The following IGFL2 variants were observed in gnomAD, a reference collection of about 807,000 sequenced individuals.
IGFL2 encodes the protein insulin growth factor-like family member 2.
In IGFL2, 7 loss-of-function variants were observed where a neutral mutation model predicts 13.9. That is an observed-to-expected ratio of 0.51 (90% CI 0.29 to 0.95). The LOEUF (loss-of-function observed/expected upper bound fraction) is 0.95. Ranked by LOEUF, IGFL2 falls within the 40% of genes least tolerant of loss-of-function variation. The pLI, the probability that IGFL2 is intolerant of heterozygous loss-of-function variation, is 0.08. For synonymous variants in IGFL2, 55 were observed against 55.8 expected (o/e 0.99, Z 0.07); for missense variants, 138 against 147.8 (o/e 0.93, Z 0.34).
In IGFL2 at chr19:46,161,134, C is replaced by T; in HGVS notation, c.*46C>T. 2.0e-6 allele frequency: 3 copies of T among 1,485,510 alleles called. No individual in the cohort carries two copies. The highest frequency in any genetic ancestry group is 2.8e-6 in the Non-Finnish European group (3 of 1,078,478). The allele number at this position is 1,485,510 out of a possible 1,614,324, so 92.0% of individuals were successfully genotyped here. On this transcript the variant is annotated 3_prime_UTR_variant, in exon 4 of 4. Transcript: ENST00000377693. ...AACTTTCACTAAGGCATCTCAGAAA[C>T]ATAGGCTAAGGTAATATGTGTACCA...
chr19:46,215,005 A>G, the IGFL2 span, among the ~76,000 whole-genome samples: 1 of 152,044 alleles, frequency 6.6e-6, no homozygotes, highest in African/African-American at 2.4e-5. Context: ...TGCTGTGATC[A>G]GCACATCCCA....
chr19:46,098,180 T>C, the IGFL2 span, among the ~76,000 whole-genome samples: 5 of 152,218 alleles, frequency 3.3e-5, no homozygotes, highest in African/African-American at 1.2e-4. Flanking sequence ...TGAATTTGGG[T>C]GCTCTTGTAT....
chr19:46,124,116 T>A, the IGFL2 span: 1 of 1,611,132 alleles, frequency 6.2e-7, no homozygotes, highest in Admixed American at 1.7e-5. Flanking sequence ...CACACCTGGG[T>A]GTCGGCTGGC....
chr19:46,166,729 C>T, the IGFL2 span, among the ~76,000 whole-genome samples: 2 of 152,064 alleles, frequency 1.3e-5, no homozygotes, highest in Non-Finnish European at 1.5e-5. Context: ...TTCTCTTTCT[C>T]AGGGACGTTC....
At chr19:46,152,000 G>A (rs1020620859) in intron 1 of IGFL2, among the ~76,000 whole-genome samples, 5 of 152,130 alleles carry the variant, frequency 3.3e-5, no homozygotes, top group African/African-American at 4.8e-5. Flanking sequence ...TCCAATTTGC[G>A]AACATGGATG....
intron 3 of IGFL2, 50 bp downstream of exon 3, chr19:46,160,931 G>A: frequency 1.6e-5 from 26 of 1,601,692 alleles, no homozygotes; most frequent in Non-Finnish European, 2.2e-5. Context: ...AGGTGGAAAT[G>A]AGGAGGGGAG....
At chr19:46,180,127 G>C in the IGFL2 span, among the ~76,000 whole-genome samples, 2 of 151,792 alleles carry the variant, frequency 1.3e-5, no homozygotes, top group African/African-American at 4.8e-5. Context: ...TCTTGATTGA[G>C]AGCCAAGAAA....
Position 46,161,013 on chromosome 19 carries a change from T to C in IGFL2, c.342-57T>C. On this transcript the variant is annotated intron_variant, in intron 3 of 3. Transcript: ENST00000377693. Reference sequence around the variant, plus strand: ...CTAATCTCTAGCAGTTTCTCAAATATTTTCAGTTATCTCCTTGTCTGTTAT... The same window carrying C: ...CTAATCTCTAGCAGTTTCTCAAATACTTTCAGTTATCTCCTTGTCTGTTAT... 2.6e-6 allele frequency: 4 copies of C among 1,560,788 alleles called. No individual in the cohort carries two copies. In the South Asian group the frequency reaches 4.6e-5, roughly 18 times the overall value.
the IGFL2 span, chr19:46,208,347 G>A: frequency 2.0e-5 from 3 of 152,264 alleles, no homozygotes; most frequent in African/African-American, 7.2e-5. Flanking sequence ...TGAGGACTCA[G>A]CAGTGAGCTC....
the IGFL2 span, among the ~76,000 whole-genome samples, chr19:46,171,512 G>T: frequency 6.6e-6 from 1 of 152,182 alleles, no homozygotes; most frequent in African/African-American, 2.4e-5. Flanking sequence ...GCACATTTCA[G>T]AGTATTGTGT....
the IGFL2 span, among the ~76,000 whole-genome samples, chr19:46,188,992 CGA>C: frequency 6.6e-6 from 1 of 151,852 alleles, no homozygotes; most frequent in African/African-American, 2.4e-5. Flanking sequence ...TGTGCGGAGA[CGA>C]GAGATCATAG....
At chr19:46,126,164 A>T in the IGFL2 span, among the ~76,000 whole-genome samples, 1 of 151,382 alleles carries the variant, frequency 6.6e-6, no homozygotes, top group South Asian at 2.1e-4. Context: ...ACATGTTGAG[A>T]CGTAGACTTT....
chr19:46,094,960 T>C, the IGFL2 span, among the ~76,000 whole-genome samples: 1 of 152,228 alleles, frequency 6.6e-6, no homozygotes, highest in Non-Finnish European at 1.5e-5. Flanking sequence ...TCCATGTCTT[T>C]GCTATTGTGA....
the IGFL2 span, chr19:46,113,791 C>T: frequency 6.3e-6 from 1 of 157,736 alleles, no homozygotes; most frequent in Admixed American, 6.5e-5. Flanking sequence ...CCGTTTTAGC[C>T]TTGAGATCAT....
At position 46,160,706 on chromosome 19, in the gene IGFL2, G is replaced by A. The variant is rs754195953; in HGVS notation, c.166G>A (p.Ala56Thr). The A allele has an allele frequency of 6.1e-5, 98 of 1,613,994 alleles. No individual in the cohort carries two copies. The highest frequency in any genetic ancestry group is 5.5e-4 in the South Asian group (50 of 91,074). ...CTTGGAGCAGTGCTGTTACAATGAC[G>A]CCATCGTGTCCCTGAGCGAGACCCG... ...NPLEQCCYND[A>T]IVSLSETRQC... The change falls in exon 3 of 4, where the codon GCC becomes ACC. Residue 56 changes from alanine to threonine, a missense_variant. By Grantham distance (58) the Ala-to-Thr change is moderately conservative. Transcript: ENST00000377693.
rs779669941 is a variant in IGFL2, at chr19:46,160,882, G to A, written c.341+1G>A. The A allele has an allele frequency of 9.9e-6, 16 of 1,613,346 alleles. No homozygotes were observed. The South Asian group carries it at 1.3e-4, about 13-fold the overall frequency. On this transcript the variant is annotated splice_donor_variant, in intron 3 of 3. Transcript: ENST00000377693. LOFTEE classifies it high-confidence loss of function. ...CTCCCATCTCCAGTAAATGTGAAAGGTAGGGACCCCGTCCCTGGCCAGGGG... is the reference window on the plus strand; with the variant it reads ...CTCCCATCTCCAGTAAATGTGAAAGATAGGGACCCCGTCCCTGGCCAGGGG...
At chr19:46,121,316 A>T in the IGFL2 span, among the ~76,000 whole-genome samples, 1 of 147,864 alleles carries the variant, frequency 6.8e-6, no homozygotes, top group Admixed American at 6.8e-5. Context: ...TGAGCCCAGG[A>T]GGTTGAGGCT....
At chr19:46,173,773 T>G in the IGFL2 span, 1 of 152,204 alleles carries the variant, frequency 6.6e-6, no homozygotes, top group African/African-American at 2.4e-5. Context: ...ACATCCAAAC[T>G]GTATCACAGA....
chr19:46,091,360 C>T, the IGFL2 span, among the ~76,000 whole-genome samples: 1 of 152,326 alleles, frequency 6.6e-6, no homozygotes, highest in East Asian at 1.9e-4. Flanking sequence ...AGAATATAGG[C>T]AAACTGTTAC....
Sources: allele counts gnomAD v4.1 joint callset (sites outside exome capture counted in the v4.1 genomes callset), GRCh38; gene constraint gnomAD v4.1.1; transcripts MANE v1.5; gene names NCBI Gene and HGNC (gene_info 2026-07-23, HGNC 2026-07-21).